The following TLNRD1 variants were observed in gnomAD, a reference collection of about 807,000 sequenced individuals.
TLNRD1 encodes talin rod domain containing 1.
TLNRD1 carries 14 observed loss-of-function variants against 19.5 expected under a neutral mutation model. The observed-to-expected ratio is 0.72, with a 90% CI of 0.47 to 1.12. TLNRD1 has a LOEUF of 1.12. TLNRD1 is among the 50% of genes most tolerant of loss of function. The probability of loss-of-function intolerance (pLI) is 0.00; values close to 1 mark genes in which losing one functional copy is unlikely to be tolerated. For synonymous variants in TLNRD1, 345 were observed against 261.7 expected, an observed-to-expected ratio of 1.32 and a Z score of -3.07; for missense variants, 569 against 531.9, an observed-to-expected ratio of 1.07 and a Z score of -0.69.
At position 81,002,458 on chromosome 15, in the gene TLNRD1, G is replaced by T; in HGVS notation, c.187G>T (p.Glu63Ter). ...LSSEARPVLF[E>*]GPASSGAGAE... ...GAGCGAGGCGCGGCCCGTGCTCTTC[G>T]AGGGCCCCGCCTCCTCTGGTGCCGG... is the stretch of plus-strand genomic sequence containing the variant. Residue 63 changes from glutamate (E) to a stop codon, truncating the protein, a stop_gained, in exon 1 of 1, where the codon GAG becomes TAG. Coordinates refer to ENST00000267984, the MANE Select transcript of TLNRD1 (RefSeq NM_022566.3). LOFTEE classifies it high-confidence loss of function. 1 of 1,526,788 alleles carries T rather than the reference G, an allele frequency of 6.5e-7. No homozygotes were observed. The highest frequency in any genetic ancestry group is 8.7e-7 in the Non-Finnish European group (1 of 1,143,310). The allele number at this position is 1,526,788 out of a possible 1,614,324, so 94.6% of individuals were successfully genotyped here.
rs1429431345 is a variant in TLNRD1, at chr15:81,003,471, C to T, written c.*111C>T. 8 of 1,211,906 alleles carry T rather than the reference C, an allele frequency of 6.6e-6. No individual in the cohort carries two copies. Among genetic ancestry groups the T allele is most frequent in the South Asian group, 1.6e-5 (1 of 62,434 alleles). 75.1% of individuals were successfully genotyped at this position (1,211,906 alleles called of 1,614,324 possible). On this transcript the variant is annotated 3_prime_UTR_variant, in exon 1 of 1. Transcript: ENST00000267984. ...CATAGGTGAAACCCCCTACCCTCCC[C>T]AACGTTAAATGCTCGAGAGGAATCT...
At position 81,002,694 on chromosome 15, in the gene TLNRD1, G is replaced by T; in HGVS notation, c.423G>T (p.Gln141His). ...YLAAVATPGAQPAQPGLVDRY... is the reference protein window; with the variant it reads ...YLAAVATPGAHPAQPGLVDRY... ...CCGCTGTGGCCACGCCGGGCGCCCAGCCCGCGCAGCCGGGCCTGGTGGACC... is the reference window on the plus strand; with the variant it reads ...CCGCTGTGGCCACGCCGGGCGCCCATCCCGCGCAGCCGGGCCTGGTGGACC... Residue 141 changes from glutamine (Q) to histidine (H), a missense_variant, in exon 1 of 1, where the codon CAG (glutamine) becomes CAT (histidine). Coordinates refer to ENST00000267984, the MANE Select transcript of TLNRD1 (RefSeq NM_022566.3). 1 of 1,489,502 alleles carries T rather than the reference G, an allele frequency of 6.7e-7. No homozygotes were observed. Among genetic ancestry groups the T allele is most frequent in the Non-Finnish European group, 8.9e-7 (1 of 1,129,584 alleles). 92.3% of individuals were successfully genotyped at this position (1,489,502 alleles called of 1,614,324 possible). A position where few individuals can be genotyped will look rare whatever the true frequency, so the allele number is the denominator to read the frequency against.
In TLNRD1 at chr15:81,002,651, C is replaced by T. The variant is rs770076998; in HGVS notation, c.380C>T (p.Ala127Val). 9.5e-6 allele frequency: 14 copies of T among 1,474,084 alleles called. No homozygotes were observed. Among genetic ancestry groups the T allele is most frequent in the African/African-American group, 2.9e-5 (2 of 68,246 alleles). The allele number at this position is 1,474,084 out of a possible 1,614,324, so 91.3% of individuals were successfully genotyped here. Residue 127 changes from alanine (A) to valine (V), a missense_variant, in exon 1 of 1, where the codon GCC becomes GTC. Physicochemically the swap from Ala to Val is moderately conservative, Grantham distance 64 (BLOSUM62 0). Transcript: ENST00000267984. The part of the protein sequence containing the change: ...DLVVSLTECS[A>V]HAAYLAAVAT... ...GTGGTGTCGCTGACCGAGTGCTCGG[C>T]CCACGCGGCCTATCTGGCCGCTGTG...
chr15:81,003,627 A>C lies in TLNRD1; in HGVS notation c.*267A>C. On this transcript the variant is annotated 3_prime_UTR_variant, in exon 1 of 1. Coordinates refer to ENST00000267984, the MANE Select transcript of TLNRD1 (RefSeq NM_022566.3). ...GGTTGTGTTATCACTCCCACCCCCT[A>C]CCCCAGCCCGTCTTCCGGAATTTCT... 5 of 358,550 alleles carry C rather than the reference A, an allele frequency of 1.4e-5. No homozygotes were observed. Among genetic ancestry groups the C allele is most frequent in the Non-Finnish European group, 1.6e-5 (3 of 191,558 alleles). The allele number at this position is 358,550 out of a possible 1,614,324, so 22.2% of individuals were successfully genotyped here. A position where few individuals can be genotyped will look rare whatever the true frequency, so the allele number is the denominator to read the frequency against.
At position 81,001,315 on chromosome 15, in the gene TLNRD1, G is replaced by A. The variant is rs2141825897; in HGVS notation, c.-957G>A. ...TCAGCTGCTGCGGGCCCCAGACGAGGCGACAGGGATGGACTTGCGTAGACA... is the reference window on the plus strand; with the variant it reads ...TCAGCTGCTGCGGGCCCCAGACGAGACGACAGGGATGGACTTGCGTAGACA... On this transcript the variant is annotated 5_prime_UTR_variant, in exon 1 of 1. Coordinates refer to ENST00000267984, the MANE Select transcript of TLNRD1 (RefSeq NM_022566.3). 6.6e-6 allele frequency: 1 copy of A among 152,248 alleles called. No individual in the cohort carries two copies. Among genetic ancestry groups the A allele is most frequent in the South Asian group, 2.1e-4 (1 of 4,828 alleles). The allele number at this position is 152,248 out of a possible 1,614,324, so 9.4% of individuals were successfully genotyped here.
chr15:81,003,129 C>G lies in TLNRD1; in HGVS notation c.858C>G (p.Thr286=). The change falls in exon 1 of 1, where the codon ACC becomes ACG. Residue 286 remains threonine (T), a synonymous_variant. Transcript: ENST00000267984. ...GCGCCGAGGGCAAGGCGGTGCAGAC[C>G]GCCATCCTGGGCGGCGCCATGAGCG... ...AVSAEGKAVQ[T]AILGGAMSVV... is the part of the protein sequence containing the mutation. The G allele has an allele frequency of 6.4e-7, 1 of 1,562,774 alleles. No homozygotes were observed. Among genetic ancestry groups the G allele is most frequent in the African/African-American group, 1.4e-5 (1 of 73,966 alleles).
rs999415962 is a variant in TLNRD1 at position 81,002,010 on chromosome 15, G to C, written c.-262G>C. 22 of 271,574 alleles carry C rather than the reference G, an allele frequency of 8.1e-5. No homozygotes were observed. Among genetic ancestry groups the C allele is most frequent in the African/African-American group, 4.7e-4 (21 of 44,516 alleles). 16.8% of individuals were successfully genotyped at this position (271,574 alleles called of 1,614,324 possible). The stretch of plus-strand genomic sequence containing the variant: ...GTTCATGGTTCCTGCAAGCCCTCTA[G>C]GAGGCCGAAAGCTGCAGCCCCTCCC... On this transcript the variant is annotated 5_prime_UTR_variant, in exon 1 of 1. Coordinates refer to ENST00000267984, the MANE Select transcript of TLNRD1 (RefSeq NM_022566.3).
Position 81,002,948 on chromosome 15 carries a change from C to T in TLNRD1, c.677C>T (p.Ser226Leu), listed in dbSNP as rs2141827215. The change falls in exon 1 of 1, where the codon TCG becomes TTG. Residue 226 changes from serine to leucine, a missense_variant. By Grantham distance (145) the Ser-to-Leu change is moderately radical (BLOSUM62 -2). Coordinates refer to ENST00000267984, the MANE Select transcript of TLNRD1 (RefSeq NM_022566.3). ...LGVKCMSTSA[S>L]ALLACVREVK... ...GTCAAGTGCATGAGCACCAGCGCGT[C>T]GGCGCTGCTGGCCTGCGTGCGCGAG... is the stretch of plus-strand genomic sequence containing the variant. The T allele has an allele frequency of 6.3e-7, 1 of 1,593,568 alleles. No individual in the cohort carries two copies.
chr15:81,002,720 G>A lies in TLNRD1; in HGVS notation c.449G>A (p.Arg150His). 6.5e-7 allele frequency: 1 copy of A among 1,531,620 alleles called. No individual in the cohort carries two copies. Among genetic ancestry groups the A allele is most frequent in the Non-Finnish European group, 8.7e-7 (1 of 1,145,046 alleles). The allele number at this position is 1,531,620 out of a possible 1,614,324, so 94.9% of individuals were successfully genotyped here. ...CCCGCGCAGCCGGGCCTGGTGGACC[G>A]CTACCGCGTGACGCGATGCCGCCAC... ...AQPAQPGLVD[R>H]YRVTRCRHEV... The change falls in exon 1 of 1, where the codon CGC becomes CAC. Residue 150 changes from arginine (R) to histidine (H), a missense_variant. Coordinates refer to ENST00000267984, the MANE Select transcript of TLNRD1 (RefSeq NM_022566.3).
Position 81,005,083 on chromosome 15 carries a change from C to A in TLNRD1, c.*1723C>A, listed in dbSNP as rs558826521. On this transcript the variant is annotated 3_prime_UTR_variant, in exon 1 of 1. Coordinates refer to ENST00000267984, the MANE Select transcript of TLNRD1 (RefSeq NM_022566.3). Reference sequence around the variant, plus strand: ...TTTATTACAATGACATGAAATACAACGTGTAAAAGTCTTTAACCTGTGTTG... The same window carrying A: ...TTTATTACAATGACATGAAATACAAAGTGTAAAAGTCTTTAACCTGTGTTG... 1 of 167,006 alleles carries A rather than the reference C, an allele frequency of 6.0e-6. No individual in the cohort carries two copies. Among genetic ancestry groups the A allele is most frequent in the Non-Finnish European group, 1.5e-5 (1 of 68,112 alleles). The allele number at this position is 167,006 out of a possible 1,614,324, so 10.3% of individuals were successfully genotyped here.
Position 81,002,465 on chromosome 15 carries a change from C to T in TLNRD1, c.194C>T (p.Pro65Leu), listed in dbSNP as rs749957362. The T allele has an allele frequency of 2.0e-6, 3 of 1,519,272 alleles. No homozygotes were observed. Among genetic ancestry groups the T allele is most frequent in the South Asian group, 1.2e-5 (1 of 82,056 alleles). The allele number at this position is 1,519,272 out of a possible 1,614,324, so 94.1% of individuals were successfully genotyped here. Residue 65 changes from proline to leucine, a missense_variant, in exon 1 of 1, where the codon CCC becomes CTC. Coordinates refer to ENST00000267984, the MANE Select transcript of TLNRD1 (RefSeq NM_022566.3). ...GCGCGGCCCGTGCTCTTCGAGGGCCCCGCCTCCTCTGGTGCCGGCGCCGAG... is the reference window on the plus strand; with the variant it reads ...GCGCGGCCCGTGCTCTTCGAGGGCCTCGCCTCCTCTGGTGCCGGCGCCGAG... ...SEARPVLFEG[P>L]ASSGAGAESF...
chr15:81,002,459 A>G lies in TLNRD1; in HGVS notation c.188A>G (p.Glu63Gly). The G allele has an allele frequency of 6.5e-7, 1 of 1,527,080 alleles. No individual in the cohort carries two copies. The highest frequency in any genetic ancestry group is 8.7e-7 in the Non-Finnish European group (1 of 1,143,298). The allele number at this position is 1,527,080 out of a possible 1,614,324, so 94.6% of individuals were successfully genotyped here. A position where few individuals can be genotyped will look rare whatever the true frequency, so the allele number is the denominator to read the frequency against. Residue 63 changes from glutamate to glycine, a missense_variant, in exon 1 of 1, where the codon GAG becomes GGG. Transcript: ENST00000267984. ...LSSEARPVLF[E>G]GPASSGAGAE... The stretch of plus-strand genomic sequence containing the variant: ...AGCGAGGCGCGGCCCGTGCTCTTCG[A>G]GGGCCCCGCCTCCTCTGGTGCCGGC...
rs1026587590 is a variant in TLNRD1, at chr15:81,004,258, T to C, written c.*898T>C. 1 of 167,150 alleles carries C rather than the reference T, an allele frequency of 6.0e-6. No individual in the cohort carries two copies. Among genetic ancestry groups the C allele is most frequent in the African/African-American group, 2.4e-5 (1 of 41,478 alleles). The allele number at this position is 167,150 out of a possible 1,614,324, so 10.4% of individuals were successfully genotyped here. A position where few individuals can be genotyped will look rare whatever the true frequency, so the allele number is the denominator to read the frequency against. On this transcript the variant is annotated 3_prime_UTR_variant, in exon 1 of 1. Coordinates refer to ENST00000267984, the MANE Select transcript of TLNRD1 (RefSeq NM_022566.3). ...GTGACACAAATGGGATTGGGTTATG[T>C]AGAGTGCTTGGGACGGTTTTGTCTC... is the stretch of plus-strand genomic sequence containing the variant.
In TLNRD1 at chr15:81,001,899, A is replaced by AGGC. The variant is rs978162446; in HGVS notation, c.-359_-357dup. ...GGGCCGCGCCAGGCCATGCCCAAGAAGGCGGCGGCGGCGGCGAACCAGCAG... is the reference window on the plus strand; with the variant it reads ...GGGCCGCGCCAGGCCATGCCCAAGAAGGCGGCGGCGGCGGCGGCGAACCAGCAG... On this transcript the variant is annotated 5_prime_UTR_variant, in exon 1 of 1. Transcript: ENST00000267984. 6.7e-5 allele frequency: 11 copies of AGGC among 164,234 alleles called. No homozygotes were observed. The highest frequency in any genetic ancestry group is 2.0e-4 in the South Asian group (1 of 4,970). 10.2% of individuals were successfully genotyped at this position (164,234 alleles called of 1,614,324 possible).
In TLNRD1 at chr15:81,003,189, C is replaced by G; in HGVS notation, c.918C>G (p.Leu306=). ...CCTGCGTGCTCCTGACCCAGTGCCT[C>G]AGGGATCTGGCGCAGCACCCCGACG... ...VSACVLLTQC[L]RDLAQHPDGG... The change falls in exon 1 of 1, where the codon CTC becomes CTG. Residue 306 remains leucine, a synonymous_variant. Transcript: ENST00000267984. The G allele has an allele frequency of 6.3e-7, 1 of 1,589,646 alleles. No homozygotes were observed.
chr15:81,003,055 G>A lies in TLNRD1; in HGVS notation c.784G>A (p.Val262Ile), dbSNP rs1349922465. 6.5e-6 allele frequency: 10 copies of A among 1,547,160 alleles called. No individual in the cohort carries two copies. The highest frequency in any genetic ancestry group is 1.2e-5 in the South Asian group (1 of 85,298). ...GPLVQAVSAL[V>I]GFATEPQFLG... is the part of the protein sequence containing the mutation. ...CCTGGTGCAGGCAGTGAGCGCCCTG[G>A]TAGGCTTCGCCACCGAGCCGCAGTT... Residue 262 changes from valine to isoleucine, a missense_variant, in exon 1 of 1, where the codon GTA (valine) becomes ATA (isoleucine). Physicochemically the swap from Val to Ile is conservative, Grantham distance 29. Coordinates refer to ENST00000267984, the MANE Select transcript of TLNRD1 (RefSeq NM_022566.3).
Position 81,002,135 on chromosome 15 carries a change from G to A in TLNRD1, c.-137G>A. The stretch of plus-strand genomic sequence containing the variant: ...CCCAGTGCCCTCTGCCCGCGGCGGT[G>A]GATGGCATGATGGTGCGGGGAAGGC... On this transcript the variant is annotated 5_prime_UTR_variant, in exon 1 of 1. Coordinates refer to ENST00000267984, the MANE Select transcript of TLNRD1 (RefSeq NM_022566.3). 1 of 1,019,292 alleles carries A rather than the reference G, an allele frequency of 9.8e-7. No individual in the cohort carries two copies. The allele number at this position is 1,019,292 out of a possible 1,614,324, so 63.1% of individuals were successfully genotyped here.
Position 81,003,461 on chromosome 15 carries a change from C to T in TLNRD1, c.*101C>T, listed in dbSNP as rs988169990. On this transcript the variant is annotated 3_prime_UTR_variant, in exon 1 of 1. Coordinates refer to ENST00000267984, the MANE Select transcript of TLNRD1 (RefSeq NM_022566.3). Reference sequence around the variant, plus strand: ...CCAAAGAAATCATAGGTGAAACCCCCTACCCTCCCCAACGTTAAATGCTCG... The same window carrying T: ...CCAAAGAAATCATAGGTGAAACCCCTTACCCTCCCCAACGTTAAATGCTCG... 1.8e-5 allele frequency: 23 copies of T among 1,275,398 alleles called. 1 individual carries two copies. The highest frequency in any genetic ancestry group is 4.3e-4 in the Middle Eastern group (2 of 4,642). 79.0% of individuals were successfully genotyped at this position (1,275,398 alleles called of 1,614,324 possible).
Position 81,002,988 on chromosome 15 carries a change from C to G in TLNRD1, c.717C>G (p.Pro239=). ...GCGTGCGCGAGGTGAAGGTGGCGCC[C>G]AGTGAGCTGGCGCGCAGCCGCTGTG... ...LACVREVKVA[P]SELARSRCAL... The change falls in exon 1 of 1, where the codon CCC becomes CCG. Residue 239 remains proline (P), a synonymous_variant. Coordinates refer to ENST00000267984, the MANE Select transcript of TLNRD1 (RefSeq NM_022566.3). The G allele has an allele frequency of 6.3e-7, 1 of 1,575,264 alleles. No homozygotes were observed. The highest frequency in any genetic ancestry group is 8.6e-7 in the Non-Finnish European group (1 of 1,166,912).
Sources: allele counts gnomAD v4.1 joint callset, GRCh38; gene constraint gnomAD v4.1.1; transcripts MANE v1.5; gene names NCBI Gene and HGNC (gene_info 2026-07-23, HGNC 2026-07-21).